BAIAP2: variants seen among roughly 807,000 people sequenced by gnomAD.
The protein encoded by BAIAP2 is BAR/IMD domain-containing adapter protein 2.
BAIAP2 carries 18 observed loss-of-function variants against 63.0 expected under a neutral mutation model. The ratio of observed to expected loss-of-function variants is 0.29; its 90% confidence interval spans 0.20 to 0.42. The LOEUF (loss-of-function observed/expected upper bound fraction) is 0.42. Among genes scored for constraint, BAIAP2 ranks in the 10% least tolerant of loss-of-function variants. BAIAP2 has a pLI of 1.00. For synonymous variants in BAIAP2, 386 were observed against 307.6 expected (o/e 1.25, Z -2.67); for missense variants, 610 against 734.3 (o/e 0.83, Z 1.96).
chr17:81,062,078 CATT>C (rs1328997249), intron 3 of BAIAP2, among the ~76,000 whole-genome samples: 1 of 151,962 alleles, frequency 6.6e-6, no homozygotes, highest in African/African-American at 2.4e-5. Context: ...AAGTAGCTGG[CATT>C]ATAGGCACCG....
In BAIAP2 at chr17:81,109,534, G is replaced by C. The variant is rs2146089277; in HGVS notation, c.1535+1025G>C. The C allele has an allele frequency of 3.0e-6, 3 of 985,592 alleles. No individual in the cohort carries two copies. In the South Asian group the frequency reaches 1.4e-4, roughly 46 times the overall value. 61.1% of individuals were successfully genotyped at this position (985,592 alleles called of 1,614,324 possible). Reference sequence around the variant, plus strand: ...CTCTGTCCGGACAGGGAAGGTGCTGGGGTCCCTGGCCGCCCCGGCCCCTGT... The same window carrying C: ...CTCTGTCCGGACAGGGAAGGTGCTGCGGTCCCTGGCCGCCCCGGCCCCTGT... On this transcript the variant is annotated intron_variant, in intron 13 of 13. Transcript: ENST00000428708.
In BAIAP2 at chr17:81,100,112, G is replaced by T. The variant is rs536968219; in HGVS notation, c.642+32G>T. ...CGGCTGGGGGCTGCGCTGTGCCGGC[G>T]CTGGGCCTTGCTGGCAGAAATGACC... On this transcript the variant is annotated intron_variant, in intron 7 of 13. Transcript: ENST00000428708. 9 of 1,578,858 alleles carry T rather than the reference G, an allele frequency of 5.7e-6. No homozygotes were observed. In the African/African-American group the frequency reaches 8.1e-5, roughly 14 times the overall value.
intron 4 of BAIAP2, 167 bp from the exon 5 acceptor site, chr17:81,085,487 G>T: frequency 1.4e-6 from 1 of 705,114 alleles, no homozygotes. Flanking sequence ...TCCAGAGGGT[G>T]CACACGGGCA....
rs374244113 is a variant in BAIAP2 at position 81,115,115 on chromosome 17, G to GT, written c.1536-654dup. On this transcript the variant is annotated intron_variant, in intron 13 of 13. Coordinates refer to ENST00000428708, the MANE Select transcript of BAIAP2 (RefSeq NM_001144888.2). The stretch of plus-strand genomic sequence containing the variant: ...CCATTTCAACTTCTTGTCTTGAGTC[G>GT]TATTTGTGCATCAGCTGTGGCCCCG... 5.8e-3 allele frequency among the ~76,000 whole-genome samples: 885 copies of GT among 152,332 alleles called. 9 individuals are homozygous for GT. The highest frequency in any genetic ancestry group is 0.041 in the South Asian group (197 of 4,830).
rs958788378 is a variant in BAIAP2 at position 81,098,318 on chromosome 17, C to A, written c.490-1610C>A. On this transcript the variant is annotated intron_variant, in intron 6 of 13. Transcript: ENST00000428708. ...CTCAGCTTCTTCGCCACTCTCTCCC[C>A]CAAACTCCCCCTCTCCAGTTTCCTC... 20 of 613,102 alleles carry A rather than the reference C, an allele frequency of 3.3e-5. No individual in the cohort carries two copies. In the East Asian group the frequency reaches 5.5e-4, roughly 17 times the overall value. 38.0% of individuals were successfully genotyped at this position (613,102 alleles called of 1,614,324 possible). A position where few individuals can be genotyped will look rare whatever the true frequency, so the allele number is the denominator to read the frequency against.
intron 3 of BAIAP2, among the ~76,000 whole-genome samples, chr17:81,060,835 C>T (rs2050420354): frequency 6.6e-6 from 1 of 152,106 alleles, no homozygotes; most frequent in South Asian, 2.1e-4. Context: ...CCTCTACCTC[C>T]AACAGGGCCG....
At position 81,116,493 on chromosome 17, in the gene BAIAP2, A is replaced by C; in HGVS notation, c.*654A>C. 5 of 729,330 alleles carry C rather than the reference A, an allele frequency of 6.9e-6. No individual in the cohort carries two copies. Among genetic ancestry groups the C allele is most frequent in the Admixed American group, 3.0e-5 (1 of 33,708 alleles). 45.2% of individuals were successfully genotyped at this position (729,330 alleles called of 1,614,324 possible). ...AGCCCTCCTCCTTACCCAACCTCCCATCCAGAACCTTGCTGCCAGGGCCTC... is the reference window on the plus strand; with the variant it reads ...AGCCCTCCTCCTTACCCAACCTCCCCTCCAGAACCTTGCTGCCAGGGCCTC... On this transcript the variant is annotated 3_prime_UTR_variant, in exon 14 of 14. Transcript: ENST00000428708.
chr17:81,056,561 G>A (rs150340128), intron 2 of BAIAP2: 2,586 of 152,398 alleles, frequency 0.017, 42 homozygotes, highest in South Asian at 0.069. Flanking sequence ...GCCGGGGCCT[G>A]TGTTCCCCTC....
chr17:81,102,871 G>A (rs2058681530), intron 7 of BAIAP2, among the ~76,000 whole-genome samples: 1 of 152,224 alleles, frequency 6.6e-6, no homozygotes. Context: ...GAGGGGCAGG[G>A]GTTACTTGAT....
At chr17:81,110,547 C>T (rs964503919) in intron 13 of BAIAP2, 44 of 1,140,308 alleles carry the variant, frequency 3.9e-5, no homozygotes, top group Non-Finnish European at 4.6e-5. Flanking sequence ...CGGTTCCCGG[C>T]GTGCGTCTTT....
At chr17:81,080,571 T>C (rs1598677231) in intron 3 of BAIAP2, among the ~76,000 whole-genome samples, 1 of 140,164 alleles carries the variant, frequency 7.1e-6, no homozygotes, top group Non-Finnish European at 1.5e-5. Context: ...CACATACTCT[T>C]TTTCTTTTTG....
At chr17:81,058,927 G>T (rs928735262) in intron 3 of BAIAP2, among the ~76,000 whole-genome samples, 5 of 152,166 alleles carry the variant, frequency 3.3e-5, no homozygotes, top group Non-Finnish European at 7.4e-5. Flanking sequence ...GGGCTGGGGG[G>T]TCGTGGGTTG....
rs2060535730 is a variant in BAIAP2 at position 81,116,366 on chromosome 17, G to C, written c.*527G>C. 2 of 1,598,306 alleles carry C rather than the reference G, an allele frequency of 1.3e-6. No individual in the cohort carries two copies. The highest frequency in any genetic ancestry group is 1.3e-5 in the African/African-American group (1 of 74,676). On this transcript the variant is annotated 3_prime_UTR_variant, in exon 14 of 14. Coordinates refer to ENST00000428708, the MANE Select transcript of BAIAP2 (RefSeq NM_001144888.2). ...CAGCTACACCTGGAGTGTGGGGCCT[G>C]GTCCCTCCCCATGCCCCTCGGTGGG...
At chr17:81,057,731 C>A (rs1389008253) in intron 2 of BAIAP2, 150 bp from the exon 3 acceptor site, 1 of 1,411,332 alleles carries the variant, frequency 7.1e-7, no homozygotes, top group African/African-American at 1.4e-5. Flanking sequence ...TTCTGTCCAA[C>A]CCAGAAATCA....
intron 5 of BAIAP2, 30 bp downstream of exon 5, chr17:81,085,755 CCCTGTGCCTGGGCTCCGGCTCTCCCAA>C: frequency 6.3e-7 from 1 of 1,587,672 alleles, no homozygotes; most frequent in Non-Finnish European, 8.6e-7. Flanking sequence ...GCCTGCTGGG[CCCTGTGCCTGGGCTCCGGCTCTCCCAA>C]ATGCCTGCCA....
intron 3 of BAIAP2, among the ~76,000 whole-genome samples, chr17:81,072,938 G>A (rs2052960802): frequency 6.6e-6 from 1 of 151,938 alleles, no homozygotes; most frequent in African/African-American, 2.4e-5. Context: ...CCGGGTGCCG[G>A]GTACAAACAT....
chr17:81,071,730 G>A (rs1050361224), intron 3 of BAIAP2, among the ~76,000 whole-genome samples: 3 of 152,250 alleles, frequency 2.0e-5, no homozygotes, highest in Admixed American at 1.3e-4. Context: ...TCAGCGCGGG[G>A]GTCGGATGCC....
intron 6 of BAIAP2, among the ~76,000 whole-genome samples, chr17:81,096,781 G>T (rs529821249): frequency 6.6e-6 from 1 of 152,254 alleles, no homozygotes; most frequent in Non-Finnish European, 1.5e-5. Flanking sequence ...AGGCCCCAGG[G>T]TACCCCTGAA....
At position 81,035,151 on chromosome 17, in the gene BAIAP2, G is replaced by C; in HGVS notation, c.-104G>C. 2 of 919,822 alleles carry C rather than the reference G, an allele frequency of 2.2e-6. No homozygotes were observed. The highest frequency in any genetic ancestry group is 3.0e-6 in the Non-Finnish European group (2 of 666,816). 57.0% of individuals were successfully genotyped at this position (919,822 alleles called of 1,614,324 possible). On this transcript the variant is annotated 5_prime_UTR_variant, in exon 1 of 14. Coordinates refer to ENST00000428708, the MANE Select transcript of BAIAP2 (RefSeq NM_001144888.2). ...TGGCCGCCGCCGGACGCCGGGCTCT[G>C]TGGTTCGGGTCCGCTTTCGTCTCCG...
Sources: gnomAD v4.1 joint callset for allele counts (sites outside exome capture counted in the v4.1 genomes callset) on GRCh38, gnomAD v4.1.1 for gene constraint, MANE v1.5 for transcripts, NCBI Gene and HGNC (gene_info 2026-07-23, HGNC 2026-07-21) for gene names.